Variants in ADCY8 observed in about 807,000 individuals in gnomAD.
The protein encoded by ADCY8 is adenylate cyclase type 8.
A neutral mutation model predicts 119.7 loss-of-function variants in ADCY8; 51 were observed. The observed-to-expected ratio is 0.43, with a 90% CI of 0.34 to 0.54. The LOEUF (loss-of-function observed/expected upper bound fraction) is 0.54, where lower values mean the gene tolerates loss of function less well. ADCY8 is among the 20% of genes least tolerant of loss of function. The pLI, the probability that ADCY8 is intolerant of heterozygous loss-of-function variation, is 0.03. For missense variants in ADCY8, 1,383 were observed against 1,598.8 expected (o/e 0.87, Z 2.30); for synonymous variants, 665 against 651.0 (o/e 1.02, Z -0.33).
intron 14 of ADCY8, among the ~76,000 whole-genome samples, chr8:130,813,281 A>G (rs1816228790): frequency 6.6e-6 from 1 of 152,192 alleles, no homozygotes; most frequent in Admixed American, 6.5e-5. Context: ...GTTTAGTGGC[A>G]TTAAGTATAG....
chr8:130,903,688 A>T (rs567779714), intron 7 of ADCY8, 84 bp downstream of exon 7: 1 of 1,461,156 alleles, frequency 6.8e-7, no homozygotes, highest in African/African-American at 1.4e-5. Flanking sequence ...TTAAAGATGA[A>T]TCAGTTTTCT....
chr8:130,821,677 TTAA>T (rs1816513908), intron 12 of ADCY8, among the ~76,000 whole-genome samples: 1 of 152,204 alleles, frequency 6.6e-6, no homozygotes, highest in African/African-American at 2.4e-5. Flanking sequence ...TACACTCACA[TTAA>T]TAATAATGTT....
intron 7 of ADCY8, among the ~76,000 whole-genome samples, chr8:130,893,270 C>T (rs1009824244): frequency 2.6e-5 from 4 of 152,054 alleles, no homozygotes; most frequent in Admixed American, 6.6e-5. Flanking sequence ...AACTCCAGCA[C>T]GGACTTCATC....
intron 2 of ADCY8, among the ~76,000 whole-genome samples, chr8:130,962,525 C>T (rs146536176): frequency 1.3e-5 from 2 of 152,288 alleles, no homozygotes; most frequent in South Asian, 2.1e-4. Flanking sequence ...GTCTGGATTC[C>T]CCTCTCATCT....
chr8:130,826,374 A>G (rs1836630), intron 12 of ADCY8, among the ~76,000 whole-genome samples: 1 of 152,046 alleles, frequency 6.6e-6, no homozygotes, highest in African/African-American at 2.4e-5. Context: ...ACAAATGAAC[A>G]TTTCCGATGT....
At chr8:131,035,913 G>C (rs1363198465) in intron 1 of ADCY8, among the ~76,000 whole-genome samples, 1 of 152,098 alleles carries the variant, frequency 6.6e-6, no homozygotes, top group Non-Finnish European at 1.5e-5. Context: ...GCAGAATGAT[G>C]AGCTAGCTAC....
At chr8:130,905,313 C>T (rs1819745235) in intron 6 of ADCY8, among the ~76,000 whole-genome samples, 1 of 152,172 alleles carries the variant, frequency 6.6e-6, no homozygotes, top group Non-Finnish European at 1.5e-5. Flanking sequence ...CTGGCTCTGT[C>T]ACTTCAAAGC....
chr8:131,007,693 C>A (rs963195698), intron 1 of ADCY8, among the ~76,000 whole-genome samples: 1 of 152,192 alleles, frequency 6.6e-6, no homozygotes, highest in African/African-American at 2.4e-5. Flanking sequence ...CAAACATTTA[C>A]AAATTTCTAA....
rs139840784 is a variant in ADCY8, at chr8:131,021,671, T to C, written c.960+17703A>G. On this transcript the variant is annotated intron_variant, in intron 1 of 17. Coordinates refer to ENST00000286355, the MANE Select transcript of ADCY8 (RefSeq NM_001115.3). ...TGATAGTGAGTGAGTTCTCACGAGATCTGATGGTTTTATAAGGGGCTTTTC... is the reference window on the plus strand; with the variant it reads ...TGATAGTGAGTGAGTTCTCACGAGACCTGATGGTTTTATAAGGGGCTTTTC... 4.3e-3 allele frequency among the ~76,000 whole-genome samples: 660 copies of C among 152,236 alleles called. 3 individuals are homozygous for C. Among genetic ancestry groups the C allele is most frequent in the African/African-American group, 0.015 (635 of 41,540 alleles).
rs545770120 is a variant in ADCY8, at chr8:130,941,459, G to A, written c.1353+1892C>T. On this transcript the variant is annotated intron_variant, in intron 4 of 17. Coordinates refer to ENST00000286355, the MANE Select transcript of ADCY8 (RefSeq NM_001115.3). Reference sequence around the variant, plus strand: ...ATCTGCCAATGGCCTTTGGATGGCCGTTTTTGTTCATCTTGGCATCTTTGA... The same window carrying A: ...ATCTGCCAATGGCCTTTGGATGGCCATTTTTGTTCATCTTGGCATCTTTGA... Among the ~76,000 whole-genome samples the A allele has an allele frequency of 5.2e-4, 79 of 152,036 alleles. 1 individual carries two copies. Among genetic ancestry groups the A allele is most frequent in the Non-Finnish European group, 7.5e-4 (51 of 68,036 alleles).
chr8:130,954,510 C>G (rs1334530474), intron 2 of ADCY8, among the ~76,000 whole-genome samples: 1 of 152,128 alleles, frequency 6.6e-6, no homozygotes, highest in African/African-American at 2.4e-5. Context: ...GAATTGGACT[C>G]TGAGAAAAAT....
chr8:130,820,834 A>T (rs920055515), intron 13 of ADCY8, among the ~76,000 whole-genome samples: 19 of 152,244 alleles, frequency 1.2e-4, no homozygotes, highest in Admixed American at 1.3e-4. Flanking sequence ...ACAAAATTCT[A>T]CACACAGTAA....
chr8:130,910,290 A>G (rs1425427426), intron 5 of ADCY8, among the ~76,000 whole-genome samples: 2 of 152,188 alleles, frequency 1.3e-5, no homozygotes, highest in Non-Finnish European at 2.9e-5. Flanking sequence ...TGTCTTAGGG[A>G]ATGGCACCAG....
rs1817554438 is a variant in ADCY8 at position 130,852,226 on chromosome 8, C to T, written c.2211-2423G>A. Among the ~76,000 whole-genome samples, 3 of 152,228 alleles carry T rather than the reference C, an allele frequency of 2.0e-5. No homozygotes were observed. In the South Asian group the frequency reaches 6.2e-4, roughly 32 times the overall value. The stretch of plus-strand genomic sequence containing the variant: ...CTTTAAGGCTGGAAAGTGACTCCTC[C>T]CACAGCCTCAGCTATTGTTGGTAGA... On this transcript the variant is annotated intron_variant, in intron 9 of 17. Coordinates refer to ENST00000286355, the MANE Select transcript of ADCY8 (RefSeq NM_001115.3).
intron 2 of ADCY8, among the ~76,000 whole-genome samples, chr8:130,965,279 A>T (rs1821727294): frequency 6.6e-6 from 1 of 152,148 alleles, no homozygotes; most frequent in Non-Finnish European, 1.5e-5. Context: ...ATGGTATTAA[A>T]CATTGAGTGC....
Position 131,040,070 on chromosome 8 carries a change from C to T in ADCY8, c.264G>A (p.Ala88=), listed in dbSNP as rs1218378025. The T allele has an allele frequency of 6.5e-7, 1 of 1,538,060 alleles. No homozygotes were observed. Among genetic ancestry groups the T allele is most frequent in the East Asian group, 2.4e-5 (1 of 41,256 alleles). ...CCGGGCCCAGCGAGTAGAGGGGCAG[C>T]GCCGAGTCGCCTGACAGCTGCGGCG... ...HHAPQLSGDS[A]LPLYSLGPGE... is the part of the protein sequence containing the mutation. The change falls in exon 1 of 18, where the codon GCG becomes GCA. Residue 88 remains alanine (A), a synonymous_variant. Transcript: ENST00000286355.
chr8:130,823,696 G>A (rs189856155), intron 12 of ADCY8, among the ~76,000 whole-genome samples: 2 of 152,082 alleles, frequency 1.3e-5, no homozygotes, highest in African/African-American at 2.4e-5. Flanking sequence ...AAATATTTAT[G>A]CTAATTATAG....
At chr8:130,980,985 G>A (rs765154987) in intron 2 of ADCY8, among the ~76,000 whole-genome samples, 1 of 152,154 alleles carries the variant, frequency 6.6e-6, no homozygotes, top group Non-Finnish European at 1.5e-5. Flanking sequence ...TACCCCCCAC[G>A]TCTGCTAGCT....
At chr8:130,851,880 T>C (rs527950370) in intron 9 of ADCY8, among the ~76,000 whole-genome samples, 1 of 152,320 alleles carries the variant, frequency 6.6e-6, no homozygotes, top group East Asian at 1.9e-4. Flanking sequence ...TTGTAGATCA[T>C]TCAGTTACAG....
Sources: allele counts gnomAD v4.1 joint callset (sites outside exome capture counted in the v4.1 genomes callset), GRCh38; gene constraint gnomAD v4.1.1; transcripts MANE v1.5; gene names NCBI Gene and HGNC (gene_info 2026-07-23, HGNC 2026-07-21).